Variants in SMARCA2 observed in about 807,000 individuals in gnomAD.
SMARCA2 encodes the protein SWI/SNF related BAF chromatin remodeling complex subunit ATPase 2, also known as SWI/SNF-related matrix-associated actin-dependent regulator of chromatin subfamily A member 2.
In SMARCA2, 61 loss-of-function variants were observed where a neutral mutation model predicts 199.8. That is an observed-to-expected ratio of 0.31 (90% CI 0.25 to 0.38). SMARCA2 has a LOEUF of 0.38. SMARCA2 is among the 10% of genes least tolerant of loss of function. The pLI, the probability that SMARCA2 is intolerant of heterozygous loss-of-function variation, is 1.00. For missense variants in SMARCA2, 1,344 were observed against 2,012.2 expected, an observed-to-expected ratio of 0.67 and a Z score of 6.35; for synonymous variants, 935 against 732.0, an observed-to-expected ratio of 1.28 and a Z score of -4.48.
At chr9:2,050,034 G>T (rs1267227114) in intron 5 of SMARCA2, among the ~76,000 whole-genome samples, 1 of 152,184 alleles carries the variant, frequency 6.6e-6, no homozygotes, top group Non-Finnish European at 1.5e-5. Flanking sequence ...CCTTGTCTAT[G>T]AAATTTGACA....
At position 2,104,519 on chromosome 9, in the gene SMARCA2, C is replaced by G. The variant is rs763921599; in HGVS notation, c.3292+350C>G. 8.5e-5 allele frequency among the ~76,000 whole-genome samples: 13 copies of G among 152,160 alleles called. No homozygotes were observed. The highest frequency in any genetic ancestry group is 1.6e-4 in the Non-Finnish European group (11 of 68,020). On this transcript the variant is annotated intron_variant, in intron 23 of 33. Transcript: ENST00000349721. This position sits in a 1 kb window ranked among gnomAD's most constrained non-coding sequence, Gnocchi z 4.0. ...ATAGAATACATTGACACACCTTTAACTTTTTCAGTTAAGGCATATTTTAAG... is the reference window on the plus strand; with the variant it reads ...ATAGAATACATTGACACACCTTTAAGTTTTTCAGTTAAGGCATATTTTAAG...
chr9:2,153,134 G>T (rs1020457895), intron 27 of SMARCA2, among the ~76,000 whole-genome samples: 1 of 152,154 alleles, frequency 6.6e-6, no homozygotes, highest in African/African-American at 2.4e-5. Flanking sequence ...AGGATAAAAT[G>T]TTGGAAGCCA....
At chr9:2,182,478 CTTTTTTT>C (rs145095906) in intron 31 of SMARCA2, among the ~76,000 whole-genome samples, 132 of 96,714 alleles carry the variant, frequency 1.4e-3, no homozygotes, top group African/African-American at 4.5e-3. Context: ...AGCTTATAGT[CTTTTTTT>C]TTTTTTTTTT....
chr9:2,075,865 C>G (rs1821302355), intron 12 of SMARCA2, among the ~76,000 whole-genome samples: 1 of 152,112 alleles, frequency 6.6e-6, no homozygotes, highest in Admixed American at 6.5e-5. Flanking sequence ...CCTAAGAGCT[C>G]TACAATCTGG....
Position 2,132,194 on chromosome 9 carries a change from C to T in SMARCA2, c.3981+8257C>T, listed in dbSNP as rs150604478. ...TACGAAGAAAGGTTAAAGAACAAGACATTTGAAATTCTATGGAAATACACA... is the reference window on the plus strand; with the variant it reads ...TACGAAGAAAGGTTAAAGAACAAGATATTTGAAATTCTATGGAAATACACA... On this transcript the variant is annotated intron_variant, in intron 27 of 33. Coordinates refer to ENST00000349721, the MANE Select transcript of SMARCA2 (RefSeq NM_003070.5). Among the ~76,000 whole-genome samples the T allele has an allele frequency of 9.3e-4, 142 of 152,278 alleles. 2 individuals are homozygous for T. Among genetic ancestry groups the T allele is most frequent in the African/African-American group, 3.2e-3 (134 of 41,558 alleles).
intron 27 of SMARCA2, chr9:2,159,629 A>G: frequency 6.6e-6 from 4 of 603,234 alleles, no homozygotes; most frequent in Non-Finnish European, 8.0e-6. Flanking sequence ...GGGGAAAAAA[A>G]TATGATAAGT....
chr9:2,026,967 T>C (rs531119316), intron 1 of SMARCA2, among the ~76,000 whole-genome samples: 48 of 152,344 alleles, frequency 3.2e-4, no homozygotes, highest in African/African-American at 1.2e-3. Flanking sequence ...AAGCCACTTG[T>C]ACTGGGTTCC....
At chr9:2,083,957 C>A (rs1486733801) in intron 16 of SMARCA2, 129 bp from the exon 17 acceptor site, 2 of 574,000 alleles carry the variant, frequency 3.5e-6, no homozygotes, top group Non-Finnish European at 6.2e-6. Flanking sequence ...TATAATAGAT[C>A]AGTCTATGAG....
rs116711796 is a variant in SMARCA2 at position 2,016,931 on chromosome 9, T to A, written c.-37+1527T>A. Among the ~76,000 whole-genome samples the A allele has an allele frequency of 0.016, 2,454 of 151,954 alleles. 59 individuals carry two copies. Among genetic ancestry groups the A allele is most frequent in the African/African-American group, 0.054 (2,254 of 41,406 alleles). On this transcript the variant is annotated intron_variant, in intron 1 of 33. Coordinates refer to ENST00000349721, the MANE Select transcript of SMARCA2 (RefSeq NM_003070.5). This position sits in a 1 kb window ranked among gnomAD's most constrained non-coding sequence, Gnocchi z 5.6. ...ATAACCGGTCCGGCGCGCCAGCCCCTCGGCGCCCTCCGGCCGCAGGGCGCA... is the reference window on the plus strand; with the variant it reads ...ATAACCGGTCCGGCGCGCCAGCCCCACGGCGCCCTCCGGCCGCAGGGCGCA...
intron 27 of SMARCA2, chr9:2,158,900 T>C: frequency 2.5e-6 from 4 of 1,603,736 alleles, no homozygotes; most frequent in Non-Finnish European, 2.6e-6. Context: ...TGGATGTGTT[T>C]GGGGTCTTTG....
chr9:2,165,073 T>G (rs1825870445), intron 28 of SMARCA2, among the ~76,000 whole-genome samples: 1 of 152,208 alleles, frequency 6.6e-6, no homozygotes, highest in South Asian at 2.1e-4. Flanking sequence ...AGATGTACAT[T>G]TCACTGTGTT....
intron 19 of SMARCA2, among the ~76,000 whole-genome samples, chr9:2,096,046 T>TGTG: frequency 6.6e-6 from 1 of 152,354 alleles, no homozygotes; most frequent in East Asian, 1.9e-4. Flanking sequence ...GGCCTTGTCC[T>TGTG]CCTTTAGATG....
At chr9:2,084,929 A>G (rs959210611) in intron 17 of SMARCA2, among the ~76,000 whole-genome samples, 2 of 152,218 alleles carry the variant, frequency 1.3e-5, no homozygotes, top group South Asian at 4.1e-4. Flanking sequence ...CTTTCGTGGA[A>G]CAAATAATGA....
At position 2,119,113 on chromosome 9, in the gene SMARCA2, C is replaced by T. The variant is rs1266129755; in HGVS notation, c.3685-345C>T. Among the ~76,000 whole-genome samples the T allele has an allele frequency of 2.0e-5, 3 of 152,198 alleles. No homozygotes were observed. Among genetic ancestry groups the T allele is most frequent in the Non-Finnish European group, 4.4e-5 (3 of 68,036 alleles). Reference sequence around the variant, plus strand: ...TATGGATGTCCTTATTAAAATCTTACATCCCCATGTGAAATAGATGTCATA... The same window carrying T: ...TATGGATGTCCTTATTAAAATCTTATATCCCCATGTGAAATAGATGTCATA... On this transcript the variant is annotated intron_variant, in intron 25 of 33. Transcript: ENST00000349721. The surrounding 1 kb of genome is among the most constrained non-coding windows in gnomAD (Gnocchi z 4.6).
rs377539573 is a variant in SMARCA2 at position 2,170,479 on chromosome 9, A to G, written c.4253+7A>G. ...TGGAAATAGAAGGAAACAGGTCAGG[A>G]TCTGTCTTGTATTCCCCTATCTCTA... On this transcript the variant is annotated splice_region_variant and intron_variant, in intron 29 of 33. Transcript: ENST00000349721. The surrounding 1 kb of genome is among the most constrained non-coding windows in gnomAD (Gnocchi z 4.7). 6 of 1,613,962 alleles carry G rather than the reference A, an allele frequency of 3.7e-6. No individual in the cohort carries two copies. The African/African-American group carries it at 8.0e-5, about 22-fold the overall frequency.
intron 8 of SMARCA2, among the ~76,000 whole-genome samples, chr9:2,060,380 A>T (rs1206980974): frequency 6.6e-6 from 1 of 152,176 alleles, no homozygotes; most frequent in African/African-American, 2.4e-5. Flanking sequence ...TCACAAGTGA[A>T]TTTTTGTTGT....
intron 3 of SMARCA2, among the ~76,000 whole-genome samples, chr9:2,033,927 C>T (rs907386071): frequency 1.6e-4 from 25 of 152,150 alleles, no homozygotes; most frequent in Admixed American, 3.3e-4. Flanking sequence ...AGTATGGCCT[C>T]ATCTTAATGT....
Position 2,039,442 on chromosome 9 carries a change from A to C in SMARCA2, c.356-24A>C, listed in dbSNP as rs762666232. ...TCAGGGTTGTCAGGGGCAGCCTGTG[A>C]TTTCCTTTTGTGTTTTATTTTAGGT... On this transcript the variant is annotated intron_variant, in intron 3 of 33. Transcript: ENST00000349721. The surrounding 1 kb of genome is among the most constrained non-coding windows in gnomAD (Gnocchi z 4.8). The C allele has an allele frequency of 6.3e-7, 1 of 1,598,896 alleles. No homozygotes were observed. Among genetic ancestry groups the C allele is most frequent in the South Asian group, 1.1e-5 (1 of 89,940 alleles).
chr9:2,061,219 T>G lies in SMARCA2; in HGVS notation c.1692+233T>G, dbSNP rs551288850. 1.3e-4 allele frequency among the ~76,000 whole-genome samples: 20 copies of G among 152,336 alleles called. No individual in the cohort carries two copies. In the South Asian group the frequency reaches 3.7e-3, roughly 28 times the overall value. On this transcript the variant is annotated intron_variant, in intron 9 of 33. Transcript: ENST00000349721. ...TACTAAACTAAAACAATGTTGTTCA[T>G]AAATCATTGTTTAATAGAAGATTTT...
Sources: gnomAD v4.1 joint callset for allele counts (sites outside exome capture counted in the v4.1 genomes callset) on GRCh38, gnomAD v4.1.1 for gene constraint, Gnocchi (gnomAD v3.1) non-coding constraint, MANE v1.5 for transcripts, NCBI Gene and HGNC (gene_info 2026-07-23, HGNC 2026-07-21) for gene names.